GALNT13: variants seen among roughly 807,000 people sequenced by gnomAD.
GALNT13 encodes UDP-GalNAc:polypeptide N-acetylgalactosaminyltransferase 13.
Under a neutral mutation model 64.2 loss-of-function variants are expected in GALNT13, and 28 were observed. That is an observed-to-expected ratio of 0.44 (90% confidence interval 0.32 to 0.60). The LOEUF (loss-of-function observed/expected upper bound fraction) is 0.60, where lower values mean the gene tolerates loss of function less well. Among genes scored for constraint, GALNT13 ranks in the 20% least tolerant of loss-of-function variants. The pLI, the probability that GALNT13 is intolerant of heterozygous loss-of-function variation, is 0.05. For missense variants in GALNT13, 577 were observed against 669.8 expected, an observed-to-expected ratio of 0.86 and a Z score of 1.53; for synonymous variants, 214 against 224.6, an observed-to-expected ratio of 0.95 and a Z score of 0.42.
the GALNT13 span, among the ~76,000 whole-genome samples, chr2:153,335,294 A>C: frequency 4.6e-5 from 7 of 152,214 alleles, no homozygotes; most frequent in African/African-American, 1.7e-4. Flanking sequence ...TAGGAACTGG[A>C]TAACAGGCAG....
At chr2:154,199,252 A>T (rs34826777) in intron 4 of GALNT13, among the ~76,000 whole-genome samples, 3 of 152,144 alleles carry the variant, frequency 2.0e-5, no homozygotes, top group African/African-American at 7.2e-5. Context: ...TTTATTATTG[A>T]CAGTAGTATA....
chr2:153,117,083 G>A, the GALNT13 span, among the ~76,000 whole-genome samples: 1 of 152,114 alleles, frequency 6.6e-6, no homozygotes, highest in Non-Finnish European at 1.5e-5. Context: ...ACAGGTGTGA[G>A]CCACCATGCC....
At chr2:153,614,162 A>G in the GALNT13 span, among the ~76,000 whole-genome samples, 83 of 152,122 alleles carry the variant, frequency 5.5e-4, no homozygotes, top group African/African-American at 1.9e-3. Context: ...TAAAAACCCA[A>G]TGTCTAGGAA....
chr2:153,694,872 A>G, the GALNT13 span, among the ~76,000 whole-genome samples: 1 of 152,354 alleles, frequency 6.6e-6, no homozygotes, highest in Admixed American at 6.5e-5. Context: ...AGGAAATATT[A>G]CAGCTACTGG....
the GALNT13 span, among the ~76,000 whole-genome samples, chr2:153,709,287 C>CA: frequency 6.6e-6 from 1 of 151,594 alleles, no homozygotes; most frequent in Non-Finnish European, 1.5e-5. Context: ...ACAACAACAA[C>CA]AAAAACAAAA....
At chr2:154,218,643 C>G (rs1688169573) in intron 4 of GALNT13, among the ~76,000 whole-genome samples, 1 of 152,102 alleles carries the variant, frequency 6.6e-6, no homozygotes, top group Admixed American at 6.6e-5. Context: ...CAGTCTTTCT[C>G]TTACTGTGTA....
chr2:154,142,223 C>A (rs1353392382), intron 4 of GALNT13, among the ~76,000 whole-genome samples: 1 of 152,110 alleles, frequency 6.6e-6, no homozygotes, highest in South Asian at 2.1e-4. Flanking sequence ...TTTACTAACT[C>A]TTATTTTTTT....
chr2:153,726,336 T>A, the GALNT13 span, among the ~76,000 whole-genome samples: 9 of 152,184 alleles, frequency 5.9e-5, no homozygotes, highest in South Asian at 2.1e-4. Flanking sequence ...GTGTCTTTTT[T>A]AAAAAAAATG....
intron 9 of GALNT13, among the ~76,000 whole-genome samples, chr2:154,375,838 C>T (rs1218593864): frequency 1.3e-5 from 2 of 152,182 alleles, no homozygotes; most frequent in East Asian, 1.9e-4. Context: ...AAGGGAAAGG[C>T]TTCCATCTAC....
At chr2:153,762,105 C>T in the GALNT13 span, 1 of 152,242 alleles carries the variant, frequency 6.6e-6, no homozygotes, top group South Asian at 2.1e-4. Context: ...GACCGTGGCA[C>T]TCCATGCATA....
intron 2 of GALNT13, among the ~76,000 whole-genome samples, chr2:153,916,336 T>C (rs1689343776): frequency 2.0e-5 from 3 of 152,022 alleles, no homozygotes; most frequent in Non-Finnish European, 4.4e-5. Flanking sequence ...TTTAAATTTT[T>C]AGTAGCAATG....
chr2:153,877,651 AT>A (rs1185299745), intron 1 of GALNT13, among the ~76,000 whole-genome samples: 1 of 152,156 alleles, frequency 6.6e-6, no homozygotes, highest in East Asian at 1.9e-4. Flanking sequence ...TTATTATTAT[AT>A]AATTAGTTTC....
chr2:153,506,592 T>G, the GALNT13 span, among the ~76,000 whole-genome samples: 1 of 152,194 alleles, frequency 6.6e-6, no homozygotes, highest in Non-Finnish European at 1.5e-5. Flanking sequence ...TTTCCTTAAT[T>G]TATGAAGCTT....
chr2:153,622,372 T>C, the GALNT13 span, among the ~76,000 whole-genome samples: 2 of 152,176 alleles, frequency 1.3e-5, no homozygotes, highest in Non-Finnish European at 2.9e-5. Context: ...TAAGGTTATA[T>C]TTTGAGATAT....
At chr2:153,715,235 A>G in the GALNT13 span, among the ~76,000 whole-genome samples, 2 of 152,348 alleles carry the variant, frequency 1.3e-5, no homozygotes, top group South Asian at 2.1e-4. Flanking sequence ...AATTGTAATC[A>G]GGGGTATTTT....
At chr2:153,969,469 A>G in intron 3 of GALNT13, among the ~76,000 whole-genome samples, 1 of 152,226 alleles carries the variant, frequency 6.6e-6, no homozygotes, top group East Asian at 1.9e-4. Flanking sequence ...GAAGAAGAAT[A>G]TAAAAGAACT....
At chr2:154,417,509 A>ATTTTTTTTTTTTTTTTTTTTTTTTT (rs1202687837) in intron 11 of GALNT13, among the ~76,000 whole-genome samples, 1 of 133,402 alleles carries the variant, frequency 7.5e-6, no homozygotes, top group Non-Finnish European at 1.5e-5. Context: ...TTATTTATTT[A>ATTTTTTTTTTTTTTTTTTTTTTTTT]TTTATTTATT....
At chr2:153,725,323 G>A in the GALNT13 span, among the ~76,000 whole-genome samples, 1 of 151,414 alleles carries the variant, frequency 6.6e-6, no homozygotes, top group Admixed American at 6.6e-5. Context: ...GGGAGAGGGG[G>A]GAGGGATAGC....
At chr2:153,530,467 A>G in the GALNT13 span, among the ~76,000 whole-genome samples, 2 of 152,160 alleles carry the variant, frequency 1.3e-5, no homozygotes, top group Admixed American at 6.5e-5. Context: ...TACAGATTCA[A>G]TGCAATCCCT....
Sources: allele counts gnomAD v4.1 joint callset (sites outside exome capture counted in the v4.1 genomes callset), GRCh38; gene constraint gnomAD v4.1.1; transcripts MANE v1.5; gene names NCBI Gene and HGNC (gene_info 2026-07-23, HGNC 2026-07-21).